ATXN1: variants seen among roughly 807,000 people sequenced by gnomAD.
The protein encoded by ATXN1 is ataxin 1.
In ATXN1, 8 loss-of-function variants were observed where a neutral mutation model predicts 56.4. The ratio of observed to expected loss-of-function variants is 0.14; its 90% CI spans 0.08 to 0.26. The LOEUF is 0.26. ATXN1 is among the 10% of genes least tolerant of loss of function. ATXN1 has a pLI of 1.00. For synonymous variants in ATXN1, 514 were observed against 494.6 expected, an observed-to-expected ratio of 1.04 and a Z score of -0.52; for missense variants, 987 against 1,106.5, an observed-to-expected ratio of 0.89 and a Z score of 1.53.
intron 6 of ATXN1, among the ~76,000 whole-genome samples, chr6:16,462,556 C>A (rs1407749691): frequency 6.6e-6 from 1 of 152,172 alleles, no homozygotes; most frequent in African/African-American, 2.4e-5. Context: ...ATTCTCTTTG[C>A]AGCAGGACTA....
At chr6:16,444,588 C>T (rs143458830) in intron 6 of ATXN1, among the ~76,000 whole-genome samples, 15 of 152,196 alleles carry the variant, frequency 9.9e-5, no homozygotes, top group African/African-American at 1.7e-4. Context: ...CTAGCTGTAT[C>T]GTGCAAATTG....
In ATXN1 at chr6:16,410,079, G is replaced by A. The variant is rs1404998162; in HGVS notation, c.-161+75893C>T. Among the ~76,000 whole-genome samples the A allele has an allele frequency of 1.3e-5, 2 of 152,204 alleles. No individual in the cohort carries two copies. The highest frequency in any genetic ancestry group is 6.5e-5 in the Admixed American group (1 of 15,280). ...GGAGAGCATGAGCTGAACGACCGTC[G>A]TGATAGGCTTGGCAGAGGATGAAGC... is the stretch of plus-strand genomic sequence containing the variant. On this transcript the variant is annotated intron_variant, in intron 6 of 7. Transcript: ENST00000436367. This position sits in a 1 kb window ranked among gnomAD's most constrained non-coding sequence, Gnocchi z 4.6.
chr6:16,470,386 T>C (rs2113638086), intron 6 of ATXN1, among the ~76,000 whole-genome samples: 1 of 152,218 alleles, frequency 6.6e-6, no homozygotes, highest in Admixed American at 6.5e-5. Context: ...AAAAGAGGTG[T>C]GAAGACAAGA....
Position 16,306,511 on chromosome 6 carries a change from G to A in ATXN1, c.2266C>T (p.Pro756Ser). 1 of 1,614,184 alleles carries A rather than the reference G, an allele frequency of 6.2e-7. No homozygotes were observed. Among genetic ancestry groups the A allele is most frequent in the Non-Finnish European group, 8.5e-7 (1 of 1,180,038 alleles). ...FPEKMGLPAAPFLTKIEPSKP... is the reference protein window; with the variant it reads ...FPEKMGLPAASFLTKIEPSKP... ...CTGGGTTCTATTTTGGTGAGGAAGG[G>A]CGCTGCAGGCAATCCCATTTTCTCT... The change falls in exon 8 of 8, where the codon CCC (proline) becomes TCC (serine). Residue 756 changes from proline to serine, a missense_variant. This residue lies in a region of ATXN1 where 196 missense variants were observed against 196.7 expected (regional missense o/e 1.00). Transcript: ENST00000436367. This position sits in a 1 kb window ranked among gnomAD's most constrained non-coding sequence, Gnocchi z 5.2.
chr6:16,575,486 A>G (rs538811591), intron 4 of ATXN1, among the ~76,000 whole-genome samples: 78 of 152,284 alleles, frequency 5.1e-4, no homozygotes, highest in African/African-American at 1.4e-3. Flanking sequence ...TTCCTTACCC[A>G]GTTATTCTAA....
At chr6:16,616,930 T>G (rs1763223688) in intron 3 of ATXN1, among the ~76,000 whole-genome samples, 1 of 151,542 alleles carries the variant, frequency 6.6e-6, no homozygotes, top group Non-Finnish European at 1.5e-5. Context: ...CCACATAACT[T>G]TTATTATAGT....
intron 6 of ATXN1, among the ~76,000 whole-genome samples, chr6:16,426,631 G>C (rs1324188553): frequency 2.6e-5 from 4 of 151,832 alleles, no homozygotes; most frequent in Admixed American, 2.6e-4. Context: ...GAGAGAGAGA[G>C]AGAGAGGCAG....
chr6:16,680,239 T>C (rs1490518088), intron 2 of ATXN1, among the ~76,000 whole-genome samples: 2 of 152,142 alleles, frequency 1.3e-5, no homozygotes, highest in Non-Finnish European at 2.9e-5. Flanking sequence ...AGAATTGGCC[T>C]GTGTAGAGGG....
intron 6 of ATXN1, among the ~76,000 whole-genome samples, chr6:16,332,197 G>T (rs1389626062): frequency 4.6e-5 from 7 of 152,152 alleles, no homozygotes. Context: ...GCTGAGGTAT[G>T]TGTCCCTTCT....
intron 6 of ATXN1, among the ~76,000 whole-genome samples, chr6:16,447,993 A>G (rs1424782945): frequency 6.6e-6 from 1 of 152,194 alleles, no homozygotes; most frequent in Non-Finnish European, 1.5e-5. Context: ...TGTGGGTTCA[A>G]AAGTATCCTT....
chr6:16,621,656 T>C (rs1763322876), intron 3 of ATXN1, among the ~76,000 whole-genome samples: 1 of 152,142 alleles, frequency 6.6e-6, no homozygotes, highest in Non-Finnish European at 1.5e-5. Context: ...GAGGTTGCAG[T>C]GAGCCAAGAT....
At chr6:16,705,684 G>A (rs1759392250) in intron 2 of ATXN1, among the ~76,000 whole-genome samples, 1 of 152,182 alleles carries the variant, frequency 6.6e-6, no homozygotes, top group South Asian at 2.1e-4. Context: ...AACTCCATGA[G>A]AACAAGGGGC....
At chr6:16,552,098 C>T (rs1278475088) in intron 4 of ATXN1, among the ~76,000 whole-genome samples, 1 of 152,224 alleles carries the variant, frequency 6.6e-6, no homozygotes, top group Non-Finnish European at 1.5e-5. Flanking sequence ...TCCAAGGACA[C>T]ATGCTCTCAA....
intron 3 of ATXN1, among the ~76,000 whole-genome samples, chr6:16,594,524 C>T (rs1186032284): frequency 2.7e-5 from 4 of 150,240 alleles, no homozygotes; most frequent in Non-Finnish European, 4.4e-5. Flanking sequence ...CATTCTGTCG[C>T]CAGGCTGGAG....
chr6:16,650,561 T>G (rs138298443), intron 3 of ATXN1, among the ~76,000 whole-genome samples: 2 of 152,238 alleles, frequency 1.3e-5, no homozygotes, highest in Non-Finnish European at 2.9e-5. Context: ...TTTTGAAATA[T>G]GAATTTTATA....
chr6:16,347,742 A>G (rs569554673), intron 6 of ATXN1, among the ~76,000 whole-genome samples: 170 of 152,332 alleles, frequency 1.1e-3, no homozygotes, highest in Middle Eastern at 0.01. Flanking sequence ...TACCCTGTCA[A>G]AACAGACCAC....
intron 6 of ATXN1, among the ~76,000 whole-genome samples, chr6:16,447,646 T>C (rs535682374): frequency 6.6e-6 from 1 of 152,278 alleles, no homozygotes; most frequent in South Asian, 2.1e-4. Context: ...TGTGAGCTAC[T>C]GCGCCTGGCC....
At chr6:16,311,470 A>G (rs1760388392) in intron 7 of ATXN1, among the ~76,000 whole-genome samples, 1 of 152,206 alleles carries the variant, frequency 6.6e-6, no homozygotes, top group Admixed American at 6.5e-5. Flanking sequence ...CAAAGGCATG[A>G]GCTCATGGGC....
intron 7 of ATXN1, among the ~76,000 whole-genome samples, chr6:16,324,408 A>G (rs1245946114): frequency 2.6e-5 from 4 of 152,038 alleles, no homozygotes; most frequent in African/African-American, 9.7e-5. Flanking sequence ...CTATGATTGC[A>G]CCACTGCATT....
Sources: gnomAD v4.1 joint callset for allele counts (sites outside exome capture counted in the v4.1 genomes callset) on GRCh38, gnomAD v4.1.1 for gene constraint, gnomAD v4.1.1 regional missense constraint, Gnocchi (gnomAD v3.1) non-coding constraint, MANE v1.5 for transcripts, NCBI Gene and HGNC (gene_info 2026-07-23, HGNC 2026-07-21) for gene names.